Variants in ABR observed in about 807,000 individuals in gnomAD.
ABR encodes the protein ABR activator of RhoGEF and GTPase, also known as active breakpoint cluster region-related protein.
In ABR, 35 loss-of-function variants were observed where a neutral mutation model predicts 107.2. The ratio of observed to expected loss-of-function variants is 0.33; its 90% CI spans 0.25 to 0.43. The LOEUF is 0.43. Among genes scored for constraint, ABR ranks in the 20% least tolerant of loss-of-function variants. The pLI, the probability that ABR is intolerant of heterozygous loss-of-function variation, is 1.00. For missense variants in ABR, 815 were observed against 1,115.2 expected, an observed-to-expected ratio of 0.73 and a Z score of 3.83; for synonymous variants, 498 against 462.0, an observed-to-expected ratio of 1.08 and a Z score of -1.00.
upstream of ABR, among the ~76,000 whole-genome samples, chr17:1,182,512 C>G (rs991470586): frequency 6.6e-6 from 1 of 152,196 alleles, no homozygotes; most frequent in African/African-American, 2.4e-5. Flanking sequence ...GGACTACAGG[C>G]ACGTGCCACC....
At position 1,010,728 on chromosome 17, in the gene ABR, C is replaced by T; in HGVS notation, c.2236+1G>A. On this transcript the variant is annotated splice_donor_variant, in intron 20 of 22. Coordinates refer to ENST00000302538, the MANE Select transcript of ABR (RefSeq NM_021962.5). LOFTEE classifies it high-confidence loss of function. The surrounding 1 kb of genome is among the most constrained non-coding windows in gnomAD (Gnocchi z 4.1). ...AGTCCTAGGAGCCCTCAGGGCCTCA[C>T]CGATGCCCTCCATGAAGGCTGGGTA... The T allele has an allele frequency of 6.2e-7, 1 of 1,613,474 alleles. No individual in the cohort carries two copies. Among genetic ancestry groups the T allele is most frequent in the Non-Finnish European group, 8.5e-7 (1 of 1,179,980 alleles).
At chr17:1,123,747 C>T (rs548411751) in intron 2 of ABR, among the ~76,000 whole-genome samples, 262 of 152,086 alleles carry the variant, frequency 1.7e-3, no homozygotes, top group Non-Finnish European at 2.4e-3. Context: ...GAGATGGGAG[C>T]GAGAGTCTTC....
At position 1,150,598 on chromosome 17, in the gene ABR, C is replaced by G. The variant is rs1158750583; in HGVS notation, c.62-25231G>C. Among the ~76,000 whole-genome samples, 1 of 152,222 alleles carries G rather than the reference C, an allele frequency of 6.6e-6. No homozygotes were observed. The highest frequency in any genetic ancestry group is 2.4e-5 in the African/African-American group (1 of 41,454). On this transcript the variant is annotated intron_variant, in intron 1 of 22. Coordinates refer to ENST00000302538, the MANE Select transcript of ABR (RefSeq NM_021962.5). The surrounding 1 kb of genome is among the most constrained non-coding windows in gnomAD (Gnocchi z 4.8). ...CCCCCTCTCACTCCTCCGGCGGCCG[C>G]CGTCCACTCCCAGTCCTAGATCTGA...
At position 1,194,489 on chromosome 17, in the gene ABR, G is replaced by A. The variant is rs966663672; in HGVS notation, c.838+34304C>T. Among the ~76,000 whole-genome samples the A allele has an allele frequency of 4.1e-4, 54 of 131,448 alleles. 11 individuals are homozygous for A. Among genetic ancestry groups the A allele is most frequent in the Admixed American group, 8.1e-4 (9 of 11,052 alleles). The allele number at this position is 131,448 out of a possible 152,430, so 86.2% of individuals were successfully genotyped here. ...TGGGATTACAGGTGTGAGACACTTC[G>A]CCCAGCCTTCTTTATTTTTTAGAGA... On this transcript the variant is annotated intron_variant, in intron 1 of 22. Transcript: ENST00000574139.
intron 3 of ABR, among the ~76,000 whole-genome samples, chr17:1,096,977 C>T (rs992396125): frequency 4.6e-5 from 7 of 151,342 alleles, no homozygotes; most frequent in African/African-American, 1.7e-4. Context: ...AAGGGGGGAA[C>T]CTGCCCCGGG....
chr17:1,041,268 T>A (rs890325350), intron 16 of ABR, among the ~76,000 whole-genome samples: 1 of 152,156 alleles, frequency 6.6e-6, no homozygotes, highest in African/African-American at 2.4e-5. Context: ...TCATTCTTTG[T>A]ACCCACAGCC....
chr17:1,150,413 A>T lies in ABR; in HGVS notation c.62-25046T>A, dbSNP rs2040743582. On this transcript the variant is annotated intron_variant, in intron 1 of 22. Coordinates refer to ENST00000302538, the MANE Select transcript of ABR (RefSeq NM_021962.5). The surrounding 1 kb of genome is among the most constrained non-coding windows in gnomAD (Gnocchi z 4.8). ...GGTAGACACTGTCCTGTATGATTCC[A>T]CTCTGAAGAGGTGCTCAGAGCAGTC... Among the ~76,000 whole-genome samples the T allele has an allele frequency of 6.6e-6, 1 of 151,990 alleles. No homozygotes were observed. Among genetic ancestry groups the T allele is most frequent in the Non-Finnish European group, 1.5e-5 (1 of 67,996 alleles).
At chr17:1,169,956 TTG>T (rs2041645593) in intron 1 of ABR, among the ~76,000 whole-genome samples, 1 of 141,364 alleles carries the variant, frequency 7.1e-6, no homozygotes, top group Non-Finnish European at 1.5e-5. Context: ...TTCTCTGTGT[TTG>T]TGTTTGTATG....
At chr17:1,121,997 G>A (rs947327345) in intron 2 of ABR, among the ~76,000 whole-genome samples, 1 of 152,188 alleles carries the variant, frequency 6.6e-6, no homozygotes, top group Non-Finnish European at 1.5e-5. Flanking sequence ...CCACCTCCCA[G>A]GTTCAAGTGA....
intron 12 of ABR, 144 bp downstream of exon 12, chr17:1,057,826 A>T (rs1024952513): frequency 2.9e-6 from 2 of 688,598 alleles, no homozygotes; most frequent in African/African-American, 3.6e-5. Context: ...TTAATCCGTA[A>T]CATCCTTAAA....
At position 1,067,216 on chromosome 17, in the gene ABR, C is replaced by G; in HGVS notation, c.1043G>C (p.Trp348Ser). 6.2e-7 allele frequency: 1 copy of G among 1,605,618 alleles called. No individual in the cohort carries two copies. Among genetic ancestry groups the G allele is most frequent in the Non-Finnish European group, 8.5e-7 (1 of 1,176,048 alleles). ...AGKHQQYDCKWYIPLADLVFP... is the reference protein window; with the variant it reads ...AGKHQQYDCKSYIPLADLVFP... Reference sequence around the variant, plus strand: ...CACCAGGTCGGCCAGGGGGATGTACCACTTACAGTCATACTGCTGGTGCTT... The same window carrying G: ...CACCAGGTCGGCCAGGGGGATGTACGACTTACAGTCATACTGCTGGTGCTT... Residue 348 changes from tryptophan (W) to serine (S), a missense_variant, in exon 10 of 23, where the codon TGG (tryptophan) becomes TCG (serine). By Grantham distance (177) the Trp-to-Ser change is radical. Coordinates refer to ENST00000302538, the MANE Select transcript of ABR (RefSeq NM_021962.5).
At position 1,101,782 on chromosome 17, in the gene ABR, A is replaced by G. The variant is rs368575623; in HGVS notation, c.247-1047T>C. Among the ~76,000 whole-genome samples the G allele has an allele frequency of 5.2e-3, 776 of 148,938 alleles. 4 individuals are homozygous for G. Among genetic ancestry groups the G allele is most frequent in the African/African-American group, 0.015 (588 of 40,230 alleles). ...GGAGTCTCGCTCTGTCGCCCAGGCTAGAGTGCAGTGGCGCGATCTCGGCTC... is the reference window on the plus strand; with the variant it reads ...GGAGTCTCGCTCTGTCGCCCAGGCTGGAGTGCAGTGGCGCGATCTCGGCTC... On this transcript the variant is annotated intron_variant, in intron 2 of 22. Transcript: ENST00000302538.
Position 1,011,843 on chromosome 17 carries a change from CACTGG to C in ABR, c.2099_2101+2del. 6.4e-7 allele frequency: 1 copy of C among 1,570,130 alleles called. No individual in the cohort carries two copies. The highest frequency in any genetic ancestry group is 1.2e-5 in the South Asian group (1 of 85,590). On this transcript the variant is annotated splice_donor_variant and coding_sequence_variant, in exon 19 of 23. Coordinates refer to ENST00000302538, the MANE Select transcript of ABR (RefSeq NM_021962.5). LOFTEE classifies it high-confidence loss of function. The surrounding 1 kb of genome is among the most constrained non-coding windows in gnomAD (Gnocchi z 4.8). Reference sequence around the variant, plus strand: ...CTGCCCCGGCTGGGCCTCCCAGACTCACTGGCATCGAAGACGGCCTTGAGCGCCTG... The same window carrying C: ...CTGCCCCGGCTGGGCCTCCCAGACTCCATCGAAGACGGCCTTGAGCGCCTG...
At chr17:1,220,344 G>A (rs73279499) in intron 1 of ABR, among the ~76,000 whole-genome samples, 3 of 152,016 alleles carry the variant, frequency 2.0e-5, no homozygotes, top group Admixed American at 1.3e-4. Flanking sequence ...AAAACGCGAC[G>A]TGAGGTCCAG....
chr17:1,174,401 C>T (rs1250471729), intron 1 of ABR, among the ~76,000 whole-genome samples: 2 of 152,162 alleles, frequency 1.3e-5, no homozygotes, highest in Non-Finnish European at 2.9e-5. Flanking sequence ...AACTGAACTG[C>T]TCTGATCAAA....
chr17:1,112,621 A>AAGGAAGGAAGAG (rs112189013), intron 2 of ABR, among the ~76,000 whole-genome samples: 30,352 of 149,054 alleles, frequency 0.2, 4,081 homozygotes, highest in African/African-American at 0.37. Flanking sequence ...GGGAGGAAGG[A>AAGGAAGGAAGAG]AGGAAGGAAG....
intron 1 of ABR, among the ~76,000 whole-genome samples, chr17:1,133,719 C>A (rs28377834): frequency 6.6e-6 from 1 of 152,066 alleles, no homozygotes; most frequent in Admixed American, 6.6e-5. Context: ...CACCCGACAC[C>A]CGTCTTCCCT....
chr17:1,189,837 G>A (rs1001676044), upstream of ABR, among the ~76,000 whole-genome samples: 1 of 152,130 alleles, frequency 6.6e-6, no homozygotes, highest in Non-Finnish European at 1.5e-5. Flanking sequence ...TGGAGGATAG[G>A]AACCACATCT....
intron 2 of ABR, among the ~76,000 whole-genome samples, chr17:1,108,272 A>C (rs1476048113): frequency 6.6e-6 from 1 of 152,114 alleles, no homozygotes; most frequent in Non-Finnish European, 1.5e-5. Context: ...CCCGCTCCTC[A>C]AGGGATTCTG....
Sources: allele counts gnomAD v4.1 joint callset (sites outside exome capture counted in the v4.1 genomes callset), GRCh38; gene constraint gnomAD v4.1.1; non-coding constraint Gnocchi (gnomAD v3.1); transcripts MANE v1.5; gene names NCBI Gene and HGNC (gene_info 2026-07-23, HGNC 2026-07-21).